FAT3: variants seen among roughly 807,000 people sequenced by gnomAD.
FAT3 encodes protocadherin Fat 3.
FAT3 carries 95 observed loss-of-function variants against 310.2 expected under a neutral mutation model. The ratio of observed to expected loss-of-function variants is 0.31; its 90% CI spans 0.26 to 0.36. The LOEUF (loss-of-function observed/expected upper bound fraction) is 0.36. FAT3 is among the 10% of genes least tolerant of loss of function. The probability of loss-of-function intolerance (pLI) is 1.00; values close to 1 mark genes in which losing one functional copy is unlikely to be tolerated. For synonymous variants in FAT3, 2,314 were observed against 2,192.9 expected, an observed-to-expected ratio of 1.06 and a Z score of -1.54; for missense variants, 5,408 against 5,715.6, an observed-to-expected ratio of 0.95 and a Z score of 1.74.
intron 2 of FAT3, among the ~76,000 whole-genome samples, chr11:92,436,165 C>T (rs1042745273): frequency 6.6e-6 from 1 of 152,100 alleles, no homozygotes; most frequent in Non-Finnish European, 1.5e-5. Context: ...CTCACCCAGG[C>T]TGGAGCGTAG....
chr11:92,412,378 G>A (rs962741398), intron 2 of FAT3, among the ~76,000 whole-genome samples: 1 of 148,468 alleles, frequency 6.7e-6, no homozygotes, highest in African/African-American at 2.5e-5. Context: ...TGGGATTACA[G>A]GCATGAGCCA....
chr11:92,854,430 G>C (rs2136315744), intron 19 of FAT3, among the ~76,000 whole-genome samples: 1 of 152,284 alleles, frequency 6.6e-6, no homozygotes, highest in African/African-American at 2.4e-5. Flanking sequence ...GCTCCCACCA[G>C]CCCCGTGGAG....
chr11:92,745,582 GAA>G (rs58851230), intron 4 of FAT3, among the ~76,000 whole-genome samples: 25 of 122,948 alleles, frequency 2.0e-4, no homozygotes, highest in East Asian at 2.5e-4. Flanking sequence ...TCTCTGCAGG[GAA>G]AAAAAAAAAA....
intron 6 of FAT3, 60 bp downstream of exon 6, chr11:92,765,149 G>GAAA (rs140929549): frequency 2.3e-4 from 229 of 984,368 alleles, no homozygotes; most frequent in Admixed American, 1.2e-3. Context: ...AAGCAACTAG[G>GAAA]AAAAAAAAAA....
intron 1 of FAT3, among the ~76,000 whole-genome samples, chr11:92,297,612 A>G (rs1946883977): frequency 2.6e-5 from 4 of 152,118 alleles, no homozygotes; most frequent in Admixed American, 2.0e-4. Context: ...AGCAGTAAAG[A>G]GCTTCCACCA....
At chr11:92,485,556 A>G (rs57424061) in intron 2 of FAT3, among the ~76,000 whole-genome samples, 5,777 of 152,312 alleles carry the variant, frequency 0.038, 365 homozygotes, top group African/African-American at 0.13. Context: ...TTACACAGAA[A>G]CGAAAGGGCC....
chr11:92,506,834 A>G (rs1373770245), intron 2 of FAT3, among the ~76,000 whole-genome samples: 1 of 152,222 alleles, frequency 6.6e-6, no homozygotes, highest in Non-Finnish European at 1.5e-5. Context: ...TACACAGCTT[A>G]CGATCACTAA....
At chr11:92,317,143 A>C (rs907909330) in intron 1 of FAT3, among the ~76,000 whole-genome samples, 3 of 152,166 alleles carry the variant, frequency 2.0e-5, no homozygotes, top group East Asian at 1.9e-4. Flanking sequence ...GAAAGACTGA[A>C]TGAATGAATG....
chr11:92,459,792 A>G (rs948228877), intron 2 of FAT3, among the ~76,000 whole-genome samples: 5 of 151,678 alleles, frequency 3.3e-5, no homozygotes, highest in Admixed American at 6.6e-5. Flanking sequence ...CAGTCATCAA[A>G]CCCACATTTC....
chr11:92,750,654 C>G (rs1945805251), intron 4 of FAT3, among the ~76,000 whole-genome samples: 1 of 152,120 alleles, frequency 6.6e-6, no homozygotes, highest in Non-Finnish European at 1.5e-5. Flanking sequence ...CTCTCTCTCT[C>G]TCTCTCCTGA....
chr11:92,373,616 T>C (rs1331275930), intron 2 of FAT3, among the ~76,000 whole-genome samples: 2 of 152,146 alleles, frequency 1.3e-5, no homozygotes, highest in African/African-American at 4.8e-5. Flanking sequence ...TAGTATATAC[T>C]GTTATAATGA....
At chr11:92,710,013 T>C (rs1025956202) in intron 4 of FAT3, among the ~76,000 whole-genome samples, 24 of 152,178 alleles carry the variant, frequency 1.6e-4, no homozygotes, top group African/African-American at 5.5e-4. Context: ...GTCTTGAAAT[T>C]AGATGTAGGG....
At chr11:92,468,133 A>C (rs1046369410) in intron 2 of FAT3, among the ~76,000 whole-genome samples, 7 of 152,212 alleles carry the variant, frequency 4.6e-5, no homozygotes, top group African/African-American at 1.7e-4. Flanking sequence ...TTTAATCATT[A>C]CATGGTTTCT....
rs752224233 is a variant in FAT3, at chr11:92,834,989, C to G, written c.9991C>G (p.Leu3331Val). The change falls in exon 15 of 28, where the codon CTC (leucine) becomes GTC (valine). Residue 3331 changes from leucine (L) to valine (V), a missense_variant. By Grantham distance (32) the Leu-to-Val change is conservative (BLOSUM62 1). Coordinates refer to ENST00000525166, the MANE Select transcript of FAT3 (RefSeq NM_001367949.2). The stretch of plus-strand genomic sequence containing the variant: ...CGCTGTGGCCACTGTCAACATCAAC[C>G]TCACAGATGTTAATGACAACCCTCC... ...LSAVATVNIN[L>V]TDVNDNPPKF... 1.2e-6 allele frequency: 2 copies of G among 1,613,566 alleles called. No homozygotes were observed. The highest frequency in any genetic ancestry group is 2.7e-5 in the African/African-American group (2 of 74,944).
chr11:92,666,002 C>G (rs1346142445), intron 3 of FAT3, among the ~76,000 whole-genome samples: 8 of 152,252 alleles, frequency 5.3e-5, no homozygotes, highest in Admixed American at 3.3e-4. Flanking sequence ...AAGACCACAT[C>G]TCTAAAAAAT....
chr11:92,443,430 T>C (rs1951126342), intron 2 of FAT3, among the ~76,000 whole-genome samples: 1 of 152,172 alleles, frequency 6.6e-6, no homozygotes, highest in African/African-American at 2.4e-5. Context: ...TCTGCTTTTA[T>C]AGAAATGTTC....
In FAT3 at chr11:92,817,396, C is replaced by G. The variant is rs78795613; in HGVS notation, c.9481+7320C>G. On this transcript the variant is annotated intron_variant, in intron 13 of 27. Transcript: ENST00000525166. ...CCCCTAAAGTTAATAGTTTGATCCT[C>G]ATATTAACAGAAAATTGGAAAGACA... is the stretch of plus-strand genomic sequence containing the variant. 2.8e-3 allele frequency among the ~76,000 whole-genome samples: 428 copies of G among 152,292 alleles called. 3 individuals are homozygous for G. The highest frequency in any genetic ancestry group is 3.5e-3 in the Admixed American group (54 of 15,300).
At chr11:92,517,160 G>A (rs1239755201) in intron 2 of FAT3, among the ~76,000 whole-genome samples, 3 of 152,254 alleles carry the variant, frequency 2.0e-5, no homozygotes, top group Admixed American at 2.0e-4. Context: ...CCAAAAGAGA[G>A]CCCATATAGC....
chr11:92,414,808 G>C (rs1403794383), intron 2 of FAT3, among the ~76,000 whole-genome samples: 1 of 151,972 alleles, frequency 6.6e-6, no homozygotes. Context: ...CGGGAGATCG[G>C]GATCATCCTG....
Sources: allele counts gnomAD v4.1 joint callset (sites outside exome capture counted in the v4.1 genomes callset), GRCh38; gene constraint gnomAD v4.1.1; transcripts MANE v1.5; gene names NCBI Gene and HGNC (gene_info 2026-07-23, HGNC 2026-07-21).